GFPT2: variants seen among roughly 807,000 people sequenced by gnomAD.
GFPT2 encodes the protein glutamine--fructose-6-phosphate transaminase 2.
GFPT2 carries 62 observed loss-of-function variants against 85.6 expected under a neutral mutation model. That is an observed-to-expected ratio of 0.72 (90% CI 0.59 to 0.90). The LOEUF (loss-of-function observed/expected upper bound fraction) is 0.90, where lower values mean the gene tolerates loss of function less well. GFPT2 is among the 40% of genes least tolerant of loss of function. The pLI, the probability that GFPT2 is intolerant of heterozygous loss-of-function variation, is 0.00. For missense variants in GFPT2, 788 were observed against 893.4 expected, an observed-to-expected ratio of 0.88 and a Z score of 1.50; for synonymous variants, 368 against 344.5, an observed-to-expected ratio of 1.07 and a Z score of -0.75.
intron 7 of GFPT2, among the ~76,000 whole-genome samples, chr5:180,325,957 G>A (rs564202016): frequency 1.8e-4 from 28 of 152,258 alleles, no homozygotes; most frequent in Admixed American, 3.9e-4. Context: ...CCCGGGAGGC[G>A]GAGGTTGCAA....
At chr5:180,351,097 A>C (rs1764703093) in intron 1 of GFPT2, among the ~76,000 whole-genome samples, 2 of 152,362 alleles carry the variant, frequency 1.3e-5, no homozygotes, top group South Asian at 4.1e-4. Context: ...CTTCTGCAGA[A>C]TTTGATTAAA....
intron 1 of GFPT2, among the ~76,000 whole-genome samples, chr5:180,350,350 G>A (rs1054512961): frequency 1.3e-5 from 2 of 152,232 alleles, no homozygotes; most frequent in African/African-American, 4.8e-5. Context: ...GTAACTAATA[G>A]AGGAAAAGGT....
intron 7 of GFPT2, 110 bp from the exon 8 acceptor site, chr5:180,325,005 G>A (rs935621526): frequency 5.2e-6 from 4 of 763,354 alleles, no homozygotes; most frequent in Non-Finnish European, 9.3e-6. Flanking sequence ...CCCAGTGGTG[G>A]AGGATCCTGT....
Position 180,316,458 on chromosome 5 carries a change from G to T in GFPT2, c.1156C>A (p.Arg386=), listed in dbSNP as rs779219580. Residue 386 remains arginine (R), a synonymous_variant, in exon 13 of 19, where the codon CGG becomes AGG. Transcript: ENST00000253778. ...TCAGTCAGTTCCTCCAAAACTTGCC[G>T]CGTCTGAAGCCAACAAGCAAGCATG... ...GTSYHAAVAT[R]QVLEELTELP... 2 of 1,614,006 alleles carry T rather than the reference G, an allele frequency of 1.2e-6. No individual in the cohort carries two copies. The highest frequency in any genetic ancestry group is 2.7e-5 in the African/African-American group (2 of 75,018).
intron 1 of GFPT2, among the ~76,000 whole-genome samples, chr5:180,348,663 C>T (rs1227596136): frequency 6.6e-6 from 1 of 152,124 alleles, no homozygotes; most frequent in East Asian, 1.9e-4. Context: ...GTTAAAGTGA[C>T]CTCACCATTG....
At chr5:180,315,543 T>C (rs1443877189) in intron 13 of GFPT2, among the ~76,000 whole-genome samples, 1 of 152,184 alleles carries the variant, frequency 6.6e-6, no homozygotes, top group Non-Finnish European at 1.5e-5. Context: ...ATGAATATCA[T>C]GATGCCCGGG....
chr5:180,320,143 A>C (rs912876021), intron 9 of GFPT2, among the ~76,000 whole-genome samples: 1 of 151,844 alleles, frequency 6.6e-6, no homozygotes, highest in African/African-American at 2.4e-5. Context: ...CAGGTGCCCG[A>C]CACCATGCCC....
intron 15 of GFPT2, among the ~76,000 whole-genome samples, chr5:180,311,172 C>T (rs1763874158): frequency 6.6e-6 from 1 of 152,238 alleles, no homozygotes; most frequent in South Asian, 2.1e-4. Context: ...TCCACTCTGT[C>T]TCTGGGAGGG....
At chr5:180,313,758 C>T (rs995080858) in intron 14 of GFPT2, 49 bp downstream of exon 14, 7 of 1,503,434 alleles carry the variant, frequency 4.7e-6, no homozygotes, top group Admixed American at 2.0e-5. Context: ...TCTGGTGCAC[C>T]TGCCTCCGCC....
At chr5:180,313,991 C>T (rs1443081624) in intron 13 of GFPT2, 27 bp from the exon 14 acceptor site, 3 of 1,568,702 alleles carry the variant, frequency 1.9e-6, no homozygotes, top group Admixed American at 1.7e-5. Context: ...CTCTCAGTGC[C>T]GCGCTCCGCC....
At chr5:180,302,148 A>G (rs372722722) in intron 18 of GFPT2, among the ~76,000 whole-genome samples, 14 of 150,820 alleles carry the variant, frequency 9.3e-5, no homozygotes, top group Admixed American at 4.6e-4. Flanking sequence ...TTAGCCAGGC[A>G]TGGTGGCGGG....
At chr5:180,302,853 G>A (rs570506181) in intron 17 of GFPT2, among the ~76,000 whole-genome samples, 558 of 152,234 alleles carry the variant, frequency 3.7e-3, no homozygotes, top group African/African-American at 0.013. Flanking sequence ...TGCCGAGAGC[G>A]GGGCAGACTC....
intron 14 of GFPT2, 22 bp downstream of exon 14, chr5:180,313,785 G>A (rs776837801): frequency 6.5e-6 from 10 of 1,532,438 alleles, no homozygotes; most frequent in Middle Eastern, 2.1e-4. Context: ...TCCCTGGGAC[G>A]GGCGCCCGTG....
rs1484810833 is a variant in GFPT2 at position 180,313,854 on chromosome 5, C to T, written c.1384G>A (p.Gly462Ser). Residue 462 changes from glycine to serine, a missense_variant, in exon 14 of 19, where the codon GGC becomes AGC. Physicochemically the swap from Gly to Ser is moderately conservative, Grantham distance 56. Transcript: ENST00000253778. ...TCCGGCCCTGCGTTGATGTGGACGC[C>T]GCAGTCGGTCTCGCGAGAGATGGAG... ...GSSISRETDC[G>S]VHINAGPEIG... 4 of 1,598,500 alleles carry T rather than the reference C, an allele frequency of 2.5e-6. No individual in the cohort carries two copies. The highest frequency in any genetic ancestry group is 1.7e-5 in the Admixed American group (1 of 59,214).
chr5:180,333,981 A>T (rs567050356), intron 4 of GFPT2, among the ~76,000 whole-genome samples: 1 of 152,166 alleles, frequency 6.6e-6, no homozygotes, highest in Non-Finnish European at 1.5e-5. Flanking sequence ...GTCTGGGCGC[A>T]GTGTTTTCTC....
chr5:180,328,246 T>A lies in GFPT2; in HGVS notation c.596+31A>T. 6.5e-7 allele frequency: 1 copy of A among 1,541,770 alleles called. No individual in the cohort carries two copies. The highest frequency in any genetic ancestry group is 1.1e-5 in the South Asian group (1 of 89,642). On this transcript the variant is annotated intron_variant, in intron 7 of 18. Transcript: ENST00000253778. The surrounding 1 kb of genome is among the most constrained non-coding windows in gnomAD (Gnocchi z 5.4). ...TAAGTGATTTTATTTTCGTTCTTTC[T>A]TATGGGAAATGCCAGTGTGTTTTGC... is the stretch of plus-strand genomic sequence containing the variant.
In GFPT2 at chr5:180,331,428, T is replaced by C. The variant is rs991478108; in HGVS notation, c.399+67A>G. On this transcript the variant is annotated intron_variant, in intron 5 of 18. Coordinates refer to ENST00000253778, the MANE Select transcript of GFPT2 (RefSeq NM_005110.4). Reference sequence around the variant, plus strand: ...CACTGGTTTCCGCAAGGAAATGAGCTGGCTGGAAAGTTTCTGGGGAGACCA... The same window carrying C: ...CACTGGTTTCCGCAAGGAAATGAGCCGGCTGGAAAGTTTCTGGGGAGACCA... The C allele has an allele frequency of 4.4e-6, 4 of 918,010 alleles. No homozygotes were observed. The African/African-American group carries it at 4.9e-5, about 11-fold the overall frequency. 56.9% of individuals were successfully genotyped at this position (918,010 alleles called of 1,614,324 possible).
intron 1 of GFPT2, chr5:180,352,339 GAAAAAAAA>G (rs34831746): frequency 5.8e-6 from 2 of 344,706 alleles, no homozygotes; most frequent in East Asian, 1.0e-4. Flanking sequence ...CCTACTCAAG[GAAAAAAAA>G]AAAAAAAAAA....
chr5:180,328,230 T>A lies in GFPT2; in HGVS notation c.596+47A>T. The A allele has an allele frequency of 7.0e-7, 1 of 1,431,908 alleles. No homozygotes were observed. The highest frequency in any genetic ancestry group is 1.4e-5 in the African/African-American group (1 of 71,578). 88.7% of individuals were successfully genotyped at this position (1,431,908 alleles called of 1,614,324 possible). A position where few individuals can be genotyped will look rare whatever the true frequency, so the allele number is the denominator to read the frequency against. On this transcript the variant is annotated intron_variant, in intron 7 of 18. Coordinates refer to ENST00000253778, the MANE Select transcript of GFPT2 (RefSeq NM_005110.4). This position sits in a 1 kb window ranked among gnomAD's most constrained non-coding sequence, Gnocchi z 5.4. The stretch of plus-strand genomic sequence containing the variant: ...CCCGTCTCCCTCCAGCTAAGTGATT[T>A]TATTTTCGTTCTTTCTTATGGGAAA...
Sources: gnomAD v4.1 joint callset for allele counts (sites outside exome capture counted in the v4.1 genomes callset) on GRCh38, gnomAD v4.1.1 for gene constraint, Gnocchi (gnomAD v3.1) non-coding constraint, MANE v1.5 for transcripts, NCBI Gene and HGNC (gene_info 2026-07-23, HGNC 2026-07-21) for gene names.